The following NUMBL variants were observed in gnomAD, a reference collection of about 807,000 sequenced individuals.
The protein encoded by NUMBL is numb-like protein.
In NUMBL, 20 loss-of-function variants were observed where a neutral mutation model predicts 48.9. That is an observed-to-expected ratio of 0.41 (90% CI 0.29 to 0.59). The LOEUF is 0.59. NUMBL is among the 20% of genes least tolerant of loss of function. The probability of loss-of-function intolerance (pLI) is 0.31; values close to 1 mark genes in which losing one functional copy is unlikely to be tolerated. For synonymous variants in NUMBL, 340 were observed against 348.7 expected (o/e 0.98, Z 0.28); for missense variants, 660 against 846.2 (o/e 0.78, Z 2.73).
intron 2 of NUMBL, among the ~76,000 whole-genome samples, chr19:40,686,454 C>T (rs927797162): frequency 3.9e-5 from 6 of 152,130 alleles, no homozygotes; most frequent in Non-Finnish European, 8.8e-5. Context: ...TGAGCCACCA[C>T]GCCCGGCCAA....
intron 9 of NUMBL, 87 bp downstream of exon 9, chr19:40,669,811 C>T: frequency 1.3e-6 from 2 of 1,527,270 alleles, no homozygotes; most frequent in Non-Finnish European, 1.8e-6. Context: ...ATCCCAAGAC[C>T]CCTGGAGTGT....
rs970129245 is a variant in NUMBL at position 40,682,259 on chromosome 19, T to C, written c.399+469A>G. ...CTCCTGCCTCAGCCTCCCAAGTAGC[T>C]AGGATTACAGGTACACACCACCATG... On this transcript the variant is annotated intron_variant, in intron 5 of 9. Transcript: ENST00000252891. This position sits in a 1 kb window ranked among gnomAD's most constrained non-coding sequence, Gnocchi z 4.0. 7.2e-5 allele frequency among the ~76,000 whole-genome samples: 11 copies of C among 152,144 alleles called. No individual in the cohort carries two copies. Among genetic ancestry groups the C allele is most frequent in the African/African-American group, 2.7e-4 (11 of 41,436 alleles).
At position 40,690,570 on chromosome 19, in the gene NUMBL, C is replaced by G. The variant is rs562571746; in HGVS notation, c.-87G>C. The G allele has an allele frequency of 1.6e-4, 129 of 814,356 alleles. 1 individual carries two copies. The South Asian group carries it at 6.5e-3, about 41-fold the overall frequency. The allele number at this position is 814,356 out of a possible 1,614,324, so 50.4% of individuals were successfully genotyped here. On this transcript the variant is annotated 5_prime_UTR_variant, in exon 1 of 10. Coordinates refer to ENST00000252891, the MANE Select transcript of NUMBL (RefSeq NM_004756.5). ...TGCTGCGGTGGTGGCGGCGGCAGCT[C>G]GGTCTGACGCCGGCCAGGGCCCGGG...
At position 40,666,691 on chromosome 19, in the gene NUMBL, T is replaced by A. The variant is rs1186651883; in HGVS notation, c.*777A>T. ...CACCCTCGTTTCCCGAGGGGCACCA[T>A]TATATTCTTCCTTTATTGGCTGTCC... On this transcript the variant is annotated 3_prime_UTR_variant, in exon 10 of 10. Transcript: ENST00000252891. 3 of 152,656 alleles carry A rather than the reference T, an allele frequency of 2.0e-5. No homozygotes were observed. The highest frequency in any genetic ancestry group is 4.4e-5 in the Non-Finnish European group (3 of 68,078). 9.5% of individuals were successfully genotyped at this position (152,656 alleles called of 1,614,324 possible).
rs1487086628 is a variant in NUMBL, at chr19:40,669,925, C to A, written c.1132G>T (p.Ala378Ser). ...GTTGTGGCAGGTGGTGGCCCTGGTG[C>A]TGGCGCTCCAGCACTGGCAAAAGAT... Reference protein sequence around the residue: ...SSSFASAGAPAPGPPPATTGT... With the variant: ...SSSFASAGAPSPGPPPATTGT... Residue 378 changes from alanine (A) to serine (S), a missense_variant, in exon 9 of 10, where the codon GCA becomes TCA. Around this residue, in one of 3 missense-constraint regions of NUMBL, gnomAD observed 296 missense variants for 339.7 expected, o/e 0.87. Coordinates refer to ENST00000252891, the MANE Select transcript of NUMBL (RefSeq NM_004756.5). 1.4e-5 allele frequency: 22 copies of A among 1,613,742 alleles called. No individual in the cohort carries two copies. In the East Asian group the frequency reaches 4.9e-4, roughly 36 times the overall value.
intron 2 of NUMBL, chr19:40,685,358 T>A (rs1485834296): frequency 6.6e-6 from 1 of 152,486 alleles, no homozygotes; most frequent in African/African-American, 2.5e-5. Context: ...TGGAACGCTG[T>A]CTATGAGGGG....
chr19:40,681,414 AG>A (rs1452770404), intron 5 of NUMBL, among the ~76,000 whole-genome samples: 5 of 152,188 alleles, frequency 3.3e-5, no homozygotes, highest in Non-Finnish European at 7.4e-5. Context: ...AAAAAAGTCA[AG>A]GAACAGTATT....
chr19:40,680,241 C>T (rs1297509253), intron 6 of NUMBL, among the ~76,000 whole-genome samples: 1 of 151,160 alleles, frequency 6.6e-6, no homozygotes, highest in Non-Finnish European at 1.5e-5. Flanking sequence ...ATGTGATTCT[C>T]CCCACATGTG....
At position 40,669,922 on chromosome 19, in the gene NUMBL, G is replaced by A. The variant is rs1261622124; in HGVS notation, c.1135C>T (p.Pro379Ser). ...CCTGTTGTGGCAGGTGGTGGCCCTG[G>A]TGCTGGCGCTCCAGCACTGGCAAAA... ...SSFASAGAPA[P>S]GPPPATTGTS... The change falls in exon 9 of 10, where the codon CCA becomes TCA. Residue 379 changes from proline (P) to serine (S), a missense_variant. Pro to Ser is a moderately conservative substitution (Grantham distance 74). Transcript: ENST00000252891. The A allele has an allele frequency of 1.7e-5, 28 of 1,613,818 alleles. No homozygotes were observed. Among genetic ancestry groups the A allele is most frequent in the Non-Finnish European group, 2.3e-5 (27 of 1,179,894 alleles).
At chr19:40,686,861 C>A (rs1048932036) in intron 2 of NUMBL, 50 bp downstream of exon 2, 2 of 1,160,010 alleles carry the variant, frequency 1.7e-6, no homozygotes, top group African/African-American at 3.0e-5. Context: ...TCGTGTTAGG[C>A]AAGACCACAT....
At chr19:40,685,690 G>A (rs1170653853) in intron 2 of NUMBL, 5 of 153,596 alleles carry the variant, frequency 3.3e-5, no homozygotes, top group African/African-American at 1.2e-4. Flanking sequence ...GTCTTTCAAA[G>A]GGTGTGTCCA....
chr19:40,682,751 G>A lies in NUMBL; in HGVS notation c.376C>T (p.Arg126Ter). 6.2e-7 allele frequency: 1 copy of A among 1,614,148 alleles called. No individual in the cohort carries two copies. Among genetic ancestry groups the A allele is most frequent in the Non-Finnish European group, 8.5e-7 (1 of 1,180,024 alleles). Residue 126 changes from arginine to a stop codon, truncating the protein, a stop_gained, in exon 5 of 10, where the codon CGA (arginine) becomes TGA (stop). Coordinates refer to ENST00000252891, the MANE Select transcript of NUMBL (RefSeq NM_004756.5). LOFTEE classifies it high-confidence loss of function. This position sits in a 1 kb window ranked among gnomAD's most constrained non-coding sequence, Gnocchi z 4.0. ...SVLWVSADGL[R>*]VVDDKTKDLL... ...ACCTTGGTTTTGTCGTCCACCACTC[G>A]GAGCCCATCGGCTGACACCCACAGG...
chr19:40,670,455 CACCCAGGCTGATCTATGGCAAACAT>C (rs1426390311), intron 8 of NUMBL, among the ~76,000 whole-genome samples: 94 of 152,278 alleles, frequency 6.2e-4, no homozygotes, highest in African/African-American at 2.2e-3. Context: ...CTGTCCACCC[CACCCAGGCTGATCTATGGCAAACAT>C]CATGAGAGCA....
At chr19:40,679,402 G>A (rs974986014) in intron 6 of NUMBL, among the ~76,000 whole-genome samples, 2 of 151,894 alleles carry the variant, frequency 1.3e-5, no homozygotes, top group East Asian at 3.9e-4. Context: ...AACATTGCCG[G>A]GCAGGGTGGC....
intron 7 of NUMBL, among the ~76,000 whole-genome samples, chr19:40,675,576 AACACACACACACACACAC>A (rs3071383): frequency 3.5e-5 from 5 of 142,392 alleles, no homozygotes; most frequent in African/African-American, 7.8e-5. Context: ...TTATATTTTA[AACACACACACACACACAC>A]ACACACACAC....
rs767550517 is a variant in NUMBL at position 40,667,728 on chromosome 19, C to T, written c.1570G>A (p.Ala524Thr). 1.4e-5 allele frequency: 22 copies of T among 1,575,088 alleles called. No homozygotes were observed. The highest frequency in any genetic ancestry group is 9.4e-5 in the African/African-American group (7 of 74,126). Residue 524 changes from alanine (A) to threonine (T), a missense_variant, in exon 10 of 10, where the codon GCC becomes ACC. Physicochemically the swap from Ala to Thr is moderately conservative, Grantham distance 58. Coordinates refer to ENST00000252891, the MANE Select transcript of NUMBL (RefSeq NM_004756.5). This position sits in a 1 kb window ranked among gnomAD's most constrained non-coding sequence, Gnocchi z 6.1. ...QMVANAFCSA[A>T]QLQPQPATLL... Reference sequence around the variant, plus strand: ...GTGGCAGGCTGAGGCTGGAGCTGGGCGGCTGAGCAGAAGGCGTTTGCCACC... The same window carrying T: ...GTGGCAGGCTGAGGCTGGAGCTGGGTGGCTGAGCAGAAGGCGTTTGCCACC...
Position 40,682,621 on chromosome 19 carries a change from G to T in NUMBL, c.399+107C>A. The T allele has an allele frequency of 1.0e-6, 1 of 970,148 alleles. No homozygotes were observed. Among genetic ancestry groups the T allele is most frequent in the Non-Finnish European group, 1.6e-6 (1 of 633,252 alleles). 60.1% of individuals were successfully genotyped at this position (970,148 alleles called of 1,614,324 possible). On this transcript the variant is annotated intron_variant, in intron 5 of 9. Transcript: ENST00000252891. The surrounding 1 kb of genome is among the most constrained non-coding windows in gnomAD (Gnocchi z 4.0). The stretch of plus-strand genomic sequence containing the variant: ...GGGAGCACACGGCATCGTCTAGAAG[G>T]TCCCTGAGGGAGGGATGTGCAGAGG...
rs769342687 is a variant in NUMBL at position 40,682,823 on chromosome 19, A to G, written c.325-21T>C. On this transcript the variant is annotated intron_variant, in intron 4 of 9. Transcript: ENST00000252891. This position sits in a 1 kb window ranked among gnomAD's most constrained non-coding sequence, Gnocchi z 4.0. ...CCCATCTGGAGGGAGGCAAGGGGACAAAGGAGCCGGGTCAGGGTGCCTCTC... is the reference window on the plus strand; with the variant it reads ...CCCATCTGGAGGGAGGCAAGGGGACGAAGGAGCCGGGTCAGGGTGCCTCTC... 13 of 1,614,120 alleles carry G rather than the reference A, an allele frequency of 8.1e-6. No individual in the cohort carries two copies. The South Asian group carries it at 1.4e-4, about 18-fold the overall frequency.
rs2081820622 is a variant in NUMBL at position 40,667,840 on chromosome 19, C to T, written c.1458G>A (p.Met486Ile). 2 of 1,591,556 alleles carry T rather than the reference C, an allele frequency of 1.3e-6. No homozygotes were observed. Among genetic ancestry groups the T allele is most frequent in the Admixed American group, 3.5e-5 (2 of 56,758 alleles). Reference sequence around the variant, plus strand: ...GGTAGGCGGGCACAAAAGGGGGCTGCATGTGTGGGGGTGGCAGGAACACGG... The same window carrying T: ...GGTAGGCGGGCACAAAAGGGGGCTGTATGTGTGGGGGTGGCAGGAACACGG... ...QVAVFLPPPH[M>I]QPPFVPAYPG... The change falls in exon 10 of 10, where the codon ATG becomes ATA. Residue 486 changes from methionine (M) to isoleucine (I), a missense_variant. Met to Ile is a conservative substitution (Grantham distance 10, BLOSUM62 1). This residue lies in a region of NUMBL where 296 missense variants were observed against 339.7 expected (regional missense o/e 0.87). Transcript: ENST00000252891. The surrounding 1 kb of genome is among the most constrained non-coding windows in gnomAD (Gnocchi z 6.1).
Sources: gnomAD v4.1 joint callset for allele counts (sites outside exome capture counted in the v4.1 genomes callset) on GRCh38, gnomAD v4.1.1 for gene constraint, gnomAD v4.1.1 regional missense constraint, Gnocchi (gnomAD v3.1) non-coding constraint, MANE v1.5 for transcripts, NCBI Gene and HGNC (gene_info 2026-07-23, HGNC 2026-07-21) for gene names.